CAMKMT: variants seen among roughly 807,000 people sequenced by gnomAD.
CAMKMT encodes CaM KMT.
In CAMKMT, 53 loss-of-function variants were observed where a neutral mutation model predicts 48.0. The observed-to-expected ratio is 1.10, with a 90% CI of 0.89 to 1.39. The LOEUF is 1.39. CAMKMT is among the 40% of genes most tolerant of loss of function. The pLI is 0.00. For missense variants in CAMKMT, 428 were observed against 402.7 expected (o/e 1.06, Z -0.54); for synonymous variants, 165 against 152.3 (o/e 1.08, Z -0.61).
In CAMKMT at chr2:44,632,822, A is replaced by G. The variant is rs529719386; in HGVS notation, c.377-71461A>G. ...CTAGACTGGCCTAGCCTCCCAGCCT[A>G]CATCTTTCTCCTATGCTGAATGCTT... On this transcript the variant is annotated intron_variant, in intron 3 of 10. Transcript: ENST00000378494. 3.3e-4 allele frequency among the ~76,000 whole-genome samples: 51 copies of G among 152,292 alleles called. 2 individuals are homozygous for G. The South Asian group carries it at 8.7e-3, about 26-fold the overall frequency.
intron 7 of CAMKMT, among the ~76,000 whole-genome samples, chr2:44,726,327 T>G (rs1678784454): frequency 6.6e-6 from 1 of 152,252 alleles, no homozygotes; most frequent in Non-Finnish European, 1.5e-5. Flanking sequence ...CCATTCTGAC[T>G]GGTGTGAGGT....
intron 3 of CAMKMT, among the ~76,000 whole-genome samples, chr2:44,413,331 C>G (rs994079672): frequency 5.3e-5 from 8 of 151,746 alleles, no homozygotes; most frequent in African/African-American, 1.9e-4. Context: ...GCATTTTAAT[C>G]TAAATATAAC....
At chr2:44,630,948 G>A (rs529850826) in intron 3 of CAMKMT, among the ~76,000 whole-genome samples, 3,841 of 151,556 alleles carry the variant, frequency 0.025, 136 homozygotes, top group African/African-American at 0.082. Flanking sequence ...ACATGCACAC[G>A]TATGTTTATT....
chr2:44,568,291 C>G (rs1668720709), intron 3 of CAMKMT, among the ~76,000 whole-genome samples: 1 of 152,168 alleles, frequency 6.6e-6, no homozygotes, highest in African/African-American at 2.4e-5. Flanking sequence ...GAAACTGTTA[C>G]TCAAAAGTTT....
intron 3 of CAMKMT, among the ~76,000 whole-genome samples, chr2:44,629,661 T>C (rs1229370504): frequency 6.6e-6 from 1 of 151,938 alleles, no homozygotes; most frequent in Non-Finnish European, 1.5e-5. Flanking sequence ...TCAAAGAGAA[T>C]AAAATACCTA....
At chr2:44,630,422 T>G (rs1173315793) in intron 3 of CAMKMT, among the ~76,000 whole-genome samples, 1 of 150,562 alleles carries the variant, frequency 6.6e-6, no homozygotes, top group East Asian at 1.9e-4. Context: ...AAAGAGCTTC[T>G]GCACAGCAAA....
At chr2:44,683,469 C>A (rs970618615) in intron 3 of CAMKMT, among the ~76,000 whole-genome samples, 3 of 152,174 alleles carry the variant, frequency 2.0e-5, no homozygotes, top group Non-Finnish European at 4.4e-5. Flanking sequence ...GCTAAGCAAG[C>A]CCCTGGATCC....
chr2:44,421,298 G>C (rs1683922071), intron 3 of CAMKMT, among the ~76,000 whole-genome samples: 1 of 152,042 alleles, frequency 6.6e-6, no homozygotes, highest in Non-Finnish European at 1.5e-5. Flanking sequence ...TTGGCAATGT[G>C]AAGAAATTTT....
intron 2 of CAMKMT, among the ~76,000 whole-genome samples, 160 bp from the exon 3 acceptor site, chr2:44,390,081 C>T: frequency 6.6e-6 from 1 of 152,204 alleles, no homozygotes; most frequent in African/African-American, 2.4e-5. Context: ...TATTTCTTTC[C>T]TTCTCCCTCT....
At chr2:44,759,776 GCA>G (rs1254353278) in intron 9 of CAMKMT, among the ~76,000 whole-genome samples, 1 of 152,096 alleles carries the variant, frequency 6.6e-6, no homozygotes, top group Non-Finnish European at 1.5e-5. Flanking sequence ...ATGCTGTTCA[GCA>G]CATACAGTAA....
intron 3 of CAMKMT, among the ~76,000 whole-genome samples, chr2:44,498,836 T>A (rs1386156133): frequency 6.6e-6 from 1 of 152,198 alleles, no homozygotes; most frequent in African/African-American, 2.4e-5. Flanking sequence ...TATTCCCAAA[T>A]GAGATTGGTC....
chr2:44,574,729 A>G (rs1294364890), intron 3 of CAMKMT, among the ~76,000 whole-genome samples: 2 of 151,972 alleles, frequency 1.3e-5, no homozygotes, highest in African/African-American at 4.8e-5. Flanking sequence ...GGAAAATGAT[A>G]TGTCTTATTA....
chr2:44,527,347 C>CGT (rs1330899725), intron 3 of CAMKMT, among the ~76,000 whole-genome samples: 2 of 140,454 alleles, frequency 1.4e-5, no homozygotes, highest in African/African-American at 2.6e-5. Context: ...TACATATATA[C>CGT]ATATATAATA....
chr2:44,577,305 A>G (rs1669274328), intron 3 of CAMKMT, among the ~76,000 whole-genome samples: 1 of 152,204 alleles, frequency 6.6e-6, no homozygotes, highest in East Asian at 1.9e-4. Context: ...AGTTTCAGAA[A>G]GGGGTAGCTG....
At chr2:44,548,066 A>G (rs1667503036) in intron 3 of CAMKMT, among the ~76,000 whole-genome samples, 1 of 152,226 alleles carries the variant, frequency 6.6e-6, no homozygotes, top group African/African-American at 2.4e-5. Flanking sequence ...AAAAGCACAG[A>G]ATATGCTGAG....
chr2:44,468,967 C>G (rs1359948762), intron 3 of CAMKMT, among the ~76,000 whole-genome samples: 1 of 151,712 alleles, frequency 6.6e-6, no homozygotes, highest in Non-Finnish European at 1.5e-5. Flanking sequence ...AATGTATGTT[C>G]TCACTCGTGT....
At chr2:44,623,064 A>C (rs1180531548) in intron 3 of CAMKMT, among the ~76,000 whole-genome samples, 1 of 152,042 alleles carries the variant, frequency 6.6e-6, no homozygotes. Flanking sequence ...GGTGATTTGC[A>C]TTTCTCTGAT....
chr2:44,764,860 G>A (rs1310983251), intron 9 of CAMKMT, among the ~76,000 whole-genome samples: 2 of 152,134 alleles, frequency 1.3e-5, no homozygotes, highest in South Asian at 2.1e-4. Flanking sequence ...AGTGGAGAGA[G>A]CATCAGTGCT....
Position 44,586,795 on chromosome 2 carries a change from A to T in CAMKMT, c.377-117488A>T, listed in dbSNP as rs537986599. 2.6e-5 allele frequency among the ~76,000 whole-genome samples: 4 copies of T among 152,308 alleles called. No homozygotes were observed. The South Asian group carries it at 6.2e-4, about 24-fold the overall frequency. ...TTTATGTAGAATCTTTTATTTAGAC[A>T]TATGCTCTTATTTTTCTAGAGTAAA... On this transcript the variant is annotated intron_variant, in intron 3 of 10. Transcript: ENST00000378494.
Sources: allele counts gnomAD v4.1 joint callset (sites outside exome capture counted in the v4.1 genomes callset), GRCh38; gene constraint gnomAD v4.1.1; transcripts MANE v1.5; gene names NCBI Gene and HGNC (gene_info 2026-07-23, HGNC 2026-07-21).